The following JAG2 variants were observed in gnomAD, a reference collection of about 807,000 sequenced individuals.
JAG2 encodes the protein jagged canonical Notch ligand 2, also known as protein jagged-2.
Under a neutral mutation model 141.7 loss-of-function variants are expected in JAG2, and 46 were observed. The ratio of observed to expected loss-of-function variants is 0.32; its 90% confidence interval spans 0.26 to 0.42. The LOEUF (loss-of-function observed/expected upper bound fraction) is 0.42. JAG2 is among the 10% of genes least tolerant of loss of function. The pLI is 1.00. For missense variants in JAG2, 1,500 were observed against 1,817.5 expected (o/e 0.83, Z 3.18); for synonymous variants, 862 against 763.5 (o/e 1.13, Z -2.13).
chr14:105,152,093 G>A (rs376091870), intron 6 of JAG2, 36 bp from the exon 7 acceptor site: 36 of 1,612,922 alleles, frequency 2.2e-5, no homozygotes, highest in Non-Finnish European at 2.7e-5. Flanking sequence ...GGGAAAAGCC[G>A]GCCCCCCGCT....
Position 105,152,249 on chromosome 14 carries a change from G to T in JAG2, c.831C>A (p.Val277=). The T allele has an allele frequency of 6.2e-7, 1 of 1,613,398 alleles. No homozygotes were observed. The highest frequency in any genetic ancestry group is 8.5e-7 in the Non-Finnish European group (1 of 1,179,998). The part of the protein sequence containing the change: ...GWQGRFCDEC[V]PYPGCVHGSC... ...TGCCATGCACGCAGCCGGGGTAGGG[G>T]ACACACTCATCGCAGAACCTCCCTT... The change falls in exon 6 of 26, where the codon GTC becomes GTA. Residue 277 remains valine (V), a synonymous_variant. Coordinates refer to ENST00000331782, the MANE Select transcript of JAG2 (RefSeq NM_002226.5).
At chr14:105,148,499 C>T in intron 15 of JAG2, 60 bp from the exon 16 acceptor site, 3 of 801,258 alleles carry the variant, frequency 3.7e-6, no homozygotes, top group Non-Finnish European at 5.2e-6. Context: ...GAGGGCTTCC[C>T]GGGGGAGGAA....
intron 2 of JAG2, among the ~76,000 whole-genome samples, chr14:105,163,863 A>T (rs2140994982): frequency 6.6e-6 from 1 of 151,568 alleles, no homozygotes; most frequent in East Asian, 2.0e-4. Flanking sequence ...GGGGACAGGG[A>T]CCCCGCTCAG....
intron 4 of JAG2, 46 bp from the exon 5 acceptor site, chr14:105,155,668 C>T (rs765318553): frequency 1.5e-5 from 24 of 1,612,160 alleles, no homozygotes; most frequent in African/African-American, 2.7e-5. Flanking sequence ...CCAGCCTGGC[C>T]GCAAGGCCTG....
intron 1 of JAG2, 56 bp downstream of exon 1, chr14:105,168,299 G>T: frequency 1.5e-6 from 1 of 687,294 alleles, no homozygotes; most frequent in Non-Finnish European, 1.8e-6. Context: ...CCGGCCCCTA[G>T]GGGCGGCCCG....
At chr14:105,152,316 G>C (rs775077491) in intron 5 of JAG2, 25 bp from the exon 6 acceptor site, 12 of 1,610,290 alleles carry the variant, frequency 7.5e-6, no homozygotes, top group Middle Eastern at 3.3e-4. Context: ...AGGGGCGCAA[G>C]ACCCAGTGAG....
At position 105,145,781 on chromosome 14, in the gene JAG2, T is replaced by C. The variant is rs909866657; in HGVS notation, c.2902A>G (p.Asn968Asp). 4.4e-6 allele frequency: 7 copies of C among 1,582,882 alleles called. No homozygotes were observed. Among genetic ancestry groups the C allele is most frequent in the Admixed American group, 1.8e-5 (1 of 56,326 alleles). ...PCLPRSGHLDNNCARLTLHFN... is the reference protein window; with the variant it reads ...PCLPRSGHLDDNCARLTLHFN... ...TGCAAGGTGAGGCGGGCACAGTTAT[T>C]GTCCAGGTGGCCGGAGCGTGGCAGG... Residue 968 changes from asparagine (N) to aspartate (D), a missense_variant, in exon 23 of 26, where the codon AAT (asparagine) becomes GAT (aspartate). Physicochemically the swap from Asn to Asp is conservative, Grantham distance 23 (BLOSUM62 1). Around this residue, in one of 3 missense-constraint regions of JAG2, gnomAD observed 425 missense variants for 441.0 expected, o/e 0.96. Transcript: ENST00000331782.
In JAG2 at chr14:105,155,907, G is replaced by A. The variant is rs768872834; in HGVS notation, c.558C>T (p.His186=). The A allele has an allele frequency of 5.6e-6, 9 of 1,611,998 alleles. No homozygotes were observed. Among genetic ancestry groups the A allele is most frequent in the East Asian group, 2.2e-5 (1 of 44,880 alleles). ...DRWKSLHFSG[H]VAHLELQIRV... is the part of the protein sequence containing the mutation. ...GGATCTGCAGCTCCAGGTGCGCCAC[G>A]TGGCCGCTGAAGTGCAGGCTCTTCC... The change falls in exon 4 of 26, where the codon CAC becomes CAT. Residue 186 remains histidine, a synonymous_variant. Coordinates refer to ENST00000331782, the MANE Select transcript of JAG2 (RefSeq NM_002226.5).
rs755882771 is a variant in JAG2 at position 105,148,431 on chromosome 14, C to T, written c.2029G>A (p.Asp677Asn). The T allele has an allele frequency of 2.5e-6, 4 of 1,610,242 alleles. No homozygotes were observed. Among genetic ancestry groups the T allele is most frequent in the Admixed American group, 1.7e-5 (1 of 59,876 alleles). Residue 677 changes from aspartate to asparagine, a missense_variant, in exon 16 of 26, where the codon GAC becomes AAC. By Grantham distance (23) the Asp-to-Asn change is conservative. This residue lies in a region of JAG2 where 875 missense variants were observed against 1,202.2 expected (regional missense o/e 0.73). Coordinates refer to ENST00000331782, the MANE Select transcript of JAG2 (RefSeq NM_002226.5). ...CTGTGGCAGGGATCGGGAAGGCAGTCGTTGGGATCTGGGGGCGAGGACGCC... is the reference window on the plus strand; with the variant it reads ...CTGTGGCAGGGATCGGGAAGGCAGTTGTTGGGATCTGGGGGCGAGGACGCC... The part of the protein sequence containing the change: ...EGELCDTNPN[D>N]CLPDPCHSRG...
At chr14:105,156,767 C>T (rs61999504) in intron 3 of JAG2, among the ~76,000 whole-genome samples, 2,042 of 152,262 alleles carry the variant, frequency 0.013, 21 homozygotes, top group Non-Finnish European at 0.023. Flanking sequence ...GCGTCCCGGC[C>T]GCCCCAGCCT....
Position 105,148,310 on chromosome 14 carries a change from G to A in JAG2, c.2134+16C>T. The A allele has an allele frequency of 6.2e-7, 1 of 1,605,358 alleles. No homozygotes were observed. Among genetic ancestry groups the A allele is most frequent in the South Asian group, 1.1e-5 (1 of 90,320 alleles). The stretch of plus-strand genomic sequence containing the variant: ...CTGGGGGCAGCCCCAGGCGGCCAGG[G>A]CCTGCGGACACTCACGTGAGTGGCA... On this transcript the variant is annotated intron_variant, in intron 16 of 25. Coordinates refer to ENST00000331782, the MANE Select transcript of JAG2 (RefSeq NM_002226.5).
intron 2 of JAG2, among the ~76,000 whole-genome samples, chr14:105,166,055 G>A (rs1888899230): frequency 6.6e-6 from 1 of 152,216 alleles, no homozygotes; most frequent in South Asian, 2.1e-4. Context: ...CTATGACTCT[G>A]CCCTGGCCCC....
Position 105,146,407 on chromosome 14 carries a change from T to C in JAG2, c.2687A>G (p.Asp896Gly), listed in dbSNP as rs1400858172. The change falls in exon 22 of 26, where the codon GAT becomes GGT. Residue 896 changes from aspartate (D) to glycine (G), a missense_variant. By Grantham distance (94) the Asp-to-Gly change is moderately conservative. This residue lies in a region of JAG2 where 875 missense variants were observed against 1,202.2 expected (regional missense o/e 0.73). Transcript: ENST00000331782. ...VEDCNSCRCL[D>G]GRRDCSKVWC... ...CACCTTGCTGCAGTCACGGCGGCCA[T>C]CCAGGCAGCGGCAGCTGTTGCAGTC... 6.2e-7 allele frequency: 1 copy of C among 1,612,624 alleles called. No individual in the cohort carries two copies. The highest frequency in any genetic ancestry group is 8.5e-7 in the Non-Finnish European group (1 of 1,179,860).
Position 105,155,636 on chromosome 14 carries a change from GGAGCGAGAGGCACAGCT to G in JAG2, c.728-31_728-15del, listed in dbSNP as rs1566766278. 1.2e-6 allele frequency: 2 copies of G among 1,612,656 alleles called. No homozygotes were observed. The highest frequency in any genetic ancestry group is 1.7e-6 in the Non-Finnish European group (2 of 1,179,896). On this transcript the variant is annotated splice_polypyrimidine_tract_variant and intron_variant, in intron 4 of 25. Coordinates refer to ENST00000331782, the MANE Select transcript of JAG2 (RefSeq NM_002226.5). ...GTTTACACACAGCTGCGAACAGAGAGGAGCGAGAGGCACAGCTGCAGCCAGCCTGGCCGCAAGGCCTG... is the reference window on the plus strand; with the variant it reads ...GTTTACACACAGCTGCGAACAGAGAGGCAGCCAGCCTGGCCGCAAGGCCTG...
chr14:105,165,053 T>C (rs1426384940), intron 2 of JAG2, among the ~76,000 whole-genome samples: 2 of 152,116 alleles, frequency 1.3e-5, no homozygotes, highest in African/African-American at 4.8e-5. Flanking sequence ...AGCACACACA[T>C]GCCAAGACAG....
rs587745124 is a variant in JAG2, at chr14:105,154,950, G to A, written c.788+612C>T. On this transcript the variant is annotated intron_variant, in intron 5 of 25. Coordinates refer to ENST00000331782, the MANE Select transcript of JAG2 (RefSeq NM_002226.5). The surrounding 1 kb of genome is among the most constrained non-coding windows in gnomAD (Gnocchi z 4.4). Reference sequence around the variant, plus strand: ...CCACCCCAGGATGTCTGCAGGACCCGTGCGCCTCTCCCCCTTCCACTGACC... The same window carrying A: ...CCACCCCAGGATGTCTGCAGGACCCATGCGCCTCTCCCCCTTCCACTGACC... Among the ~76,000 whole-genome samples the A allele has an allele frequency of 1.3e-4, 19 of 149,876 alleles. No individual in the cohort carries two copies. The highest frequency in any genetic ancestry group is 8.6e-4 in the South Asian group (4 of 4,668).
chr14:105,151,905 G>A (rs1888444738), intron 7 of JAG2, 33 bp downstream of exon 7: 1 of 1,612,240 alleles, frequency 6.2e-7, no homozygotes. Context: ...GTCCCTGCCT[G>A]GCCAGAATTT....
chr14:105,149,588 T>A (rs1273237640), intron 12 of JAG2, among the ~76,000 whole-genome samples: 1 of 151,654 alleles, frequency 6.6e-6, no homozygotes, highest in Non-Finnish European at 1.5e-5. Flanking sequence ...CCTTGGCCCC[T>A]GCTGCTGGCA....
At chr14:105,151,246 C>T (rs200745390) in intron 9 of JAG2, 37 bp downstream of exon 9, 28 of 1,586,208 alleles carry the variant, frequency 1.8e-5, no homozygotes, top group African/African-American at 5.4e-5. Flanking sequence ...CCCGCATGCG[C>T]GGCCCACGTT....
Sources: gnomAD v4.1 joint callset for allele counts (sites outside exome capture counted in the v4.1 genomes callset) on GRCh38, gnomAD v4.1.1 for gene constraint, gnomAD v4.1.1 regional missense constraint, Gnocchi (gnomAD v3.1) non-coding constraint, MANE v1.5 for transcripts, NCBI Gene and HGNC (gene_info 2026-07-23, HGNC 2026-07-21) for gene names.